The following LYN variants were observed in gnomAD, a reference collection of about 807,000 sequenced individuals.
LYN encodes LYN proto-oncogene, Src family tyrosine kinase.
LYN carries 12 observed loss-of-function variants against 65.0 expected under a neutral mutation model. The observed-to-expected ratio is 0.18, with a 90% CI of 0.12 to 0.30. The LOEUF (loss-of-function observed/expected upper bound fraction) is 0.30. LYN is among the 10% of genes least tolerant of loss of function. LYN has a pLI of 1.00. For synonymous variants in LYN, 222 were observed against 221.2 expected (o/e 1.00, Z -0.03); for missense variants, 380 against 623.2 (o/e 0.61, Z 4.16).
intron 4 of LYN, among the ~76,000 whole-genome samples, chr8:55,948,478 G>A (rs930990270): frequency 3.3e-5 from 5 of 152,162 alleles, no homozygotes; most frequent in Non-Finnish European, 7.4e-5. Flanking sequence ...CCATGCTTTT[G>A]TGAGGACGCC....
intron 7 of LYN, among the ~76,000 whole-genome samples, chr8:55,952,524 C>T (rs1806981440): frequency 1.3e-5 from 2 of 152,172 alleles, no homozygotes; most frequent in Non-Finnish European, 2.9e-5. Flanking sequence ...CGCGCCACTG[C>T]ACTCCAGCCT....
At chr8:55,928,842 A>G (rs942914685) in intron 1 of LYN, among the ~76,000 whole-genome samples, 1 of 152,058 alleles carries the variant, frequency 6.6e-6, no homozygotes, top group African/African-American at 2.4e-5. Flanking sequence ...GTAAAATGTC[A>G]TCACCAAACC....
chr8:55,980,051 C>T (rs1288748848), intron 10 of LYN, among the ~76,000 whole-genome samples: 1 of 152,218 alleles, frequency 6.6e-6, no homozygotes, highest in Non-Finnish European at 1.5e-5. Flanking sequence ...CCTAGGCAGG[C>T]CACAGTCCCC....
chr8:55,887,180 C>G (rs920541822), intron 1 of LYN, among the ~76,000 whole-genome samples: 1 of 152,198 alleles, frequency 6.6e-6, no homozygotes, highest in Non-Finnish European at 1.5e-5. Flanking sequence ...GGCGGCCAGG[C>G]GCAGTGGCCC....
At chr8:55,928,956 T>C (rs903191733) in intron 1 of LYN, among the ~76,000 whole-genome samples, 1 of 152,204 alleles carries the variant, frequency 6.6e-6, no homozygotes. Context: ...TTGTAATAGA[T>C]GTAAGATCCG....
intron 1 of LYN, among the ~76,000 whole-genome samples, chr8:55,933,236 A>C (rs1222893137): frequency 2.0e-5 from 3 of 152,222 alleles, no homozygotes; most frequent in Non-Finnish European, 4.4e-5. Flanking sequence ...ACATTACGTA[A>C]ATCTGAAATA....
intron 1 of LYN, chr8:55,902,920 C>G: frequency 2.9e-6 from 1 of 338,998 alleles, no homozygotes; most frequent in Admixed American, 3.8e-5. Flanking sequence ...GCAATCTCCA[C>G]TCACTGCAAC....
chr8:55,921,645 G>T (rs1563511611), intron 1 of LYN, among the ~76,000 whole-genome samples: 1 of 152,148 alleles, frequency 6.6e-6, no homozygotes, highest in Non-Finnish European at 1.5e-5. Flanking sequence ...AGATGAAAAG[G>T]CAGGTGATGC....
At chr8:55,892,099 T>C (rs968005479) in intron 1 of LYN, among the ~76,000 whole-genome samples, 8 of 152,262 alleles carry the variant, frequency 5.3e-5, no homozygotes, top group Admixed American at 3.3e-4. Flanking sequence ...CAGCAAAGGC[T>C]AAGAGATTCT....
At chr8:56,008,124 A>AAAAAAAAAATAAAATAAAATAAAAT (rs1221275260) in intron 12 of LYN, among the ~76,000 whole-genome samples, 3 of 86,638 alleles carry the variant, frequency 3.5e-5, no homozygotes, top group African/African-American at 8.2e-5. Flanking sequence ...GCCTCAAAAA[A>AAAAAAAAAATAAAATAAAATAAAAT]AAAATAAAAT....
chr8:56,000,762 T>A (rs1808491344), intron 12 of LYN, among the ~76,000 whole-genome samples: 1 of 149,578 alleles, frequency 6.7e-6, no homozygotes, highest in African/African-American at 2.5e-5. Context: ...AAAAGAGGGA[T>A]TTCTCCCAGA....
intron 9 of LYN, among the ~76,000 whole-genome samples, chr8:55,967,306 ATTTTTT>A (rs35631616): frequency 2.1e-5 from 2 of 95,130 alleles, no homozygotes; most frequent in Non-Finnish European, 4.0e-5. Flanking sequence ...TTCCTCTTTC[ATTTTTT>A]TTTTTTTTTT....
At position 56,010,528 on chromosome 8, in the gene LYN, T is replaced by C. The variant is rs573988228; in HGVS notation, c.*418T>C. On this transcript the variant is annotated 3_prime_UTR_variant, in exon 13 of 13. Coordinates refer to ENST00000519728, the MANE Select transcript of LYN (RefSeq NM_002350.4). The stretch of plus-strand genomic sequence containing the variant: ...CATTTATAAAGCTAAAATAACCGGA[T>C]ATATACATAGCATGACATTTCTTTG... The C allele has an allele frequency of 4.0e-6, 1 of 248,136 alleles. No homozygotes were observed. The highest frequency in any genetic ancestry group is 1.2e-4 in the South Asian group (1 of 8,620). 15.4% of individuals were successfully genotyped at this position (248,136 alleles called of 1,614,324 possible).
At chr8:55,919,633 A>G (rs879583654) in intron 1 of LYN, among the ~76,000 whole-genome samples, 3 of 152,180 alleles carry the variant, frequency 2.0e-5, no homozygotes, top group Non-Finnish European at 4.4e-5. Flanking sequence ...AGAAAAACCC[A>G]TGCCCGTGGG....
chr8:55,988,349 T>G (rs916985544), intron 10 of LYN, among the ~76,000 whole-genome samples: 2 of 150,766 alleles, frequency 1.3e-5, no homozygotes, highest in African/African-American at 4.9e-5. Flanking sequence ...ATTTTTTTGT[T>G]GTTATCATTA....
chr8:55,879,846 C>T lies in LYN; in HGVS notation c.-263C>T, dbSNP rs992357370. ...GCCCAGAGACAGCCAGTTCCTCTCC[C>T]GCCGCGCCGGGCCGCGCTGCCGCTC... On this transcript the variant is annotated 5_prime_UTR_variant, in exon 1 of 13. Coordinates refer to ENST00000519728, the MANE Select transcript of LYN (RefSeq NM_002350.4). 14 of 185,436 alleles carry T rather than the reference C, an allele frequency of 7.5e-5. No homozygotes were observed. The highest frequency in any genetic ancestry group is 1.7e-4 in the East Asian group (1 of 5,810). The allele number at this position is 185,436 out of a possible 1,614,324, so 11.5% of individuals were successfully genotyped here.
intron 9 of LYN, among the ~76,000 whole-genome samples, chr8:55,968,669 CTG>C (rs770829276): frequency 2.0e-5 from 3 of 152,214 alleles, no homozygotes; most frequent in Non-Finnish European, 4.4e-5. Context: ...TACTATTGTT[CTG>C]TGTCATAGAT....
chr8:55,958,586 T>C (rs948952210), intron 8 of LYN, among the ~76,000 whole-genome samples: 5 of 152,234 alleles, frequency 3.3e-5, no homozygotes, highest in Admixed American at 1.3e-4. Flanking sequence ...TTTCATCTGA[T>C]AAAACTGAGA....
At chr8:55,901,506 C>G (rs1805262251) in intron 1 of LYN, among the ~76,000 whole-genome samples, 2 of 152,334 alleles carry the variant, frequency 1.3e-5, no homozygotes, top group Middle Eastern at 3.4e-3. Flanking sequence ...TGTGGCCTCC[C>G]TGGAACTACT....
Sources: allele counts gnomAD v4.1 joint callset (sites outside exome capture counted in the v4.1 genomes callset), GRCh38; gene constraint gnomAD v4.1.1; transcripts MANE v1.5; gene names NCBI Gene and HGNC (gene_info 2026-07-23, HGNC 2026-07-21).